Variants in EVC observed in about 807,000 individuals in gnomAD.
EVC encodes evC complex member EVC.
Under a neutral mutation model 118.9 loss-of-function variants are expected in EVC, and 116 were observed. The observed-to-expected ratio is 0.98, with a 90% CI of 0.84 to 1.14. EVC has a LOEUF of 1.14. Among genes scored for constraint, EVC ranks in the 50% most tolerant of loss-of-function variants. The pLI, the probability that EVC is intolerant of heterozygous loss-of-function variation, is 0.00. For synonymous variants in EVC, 619 were observed against 534.7 expected (o/e 1.16, Z -2.18); for missense variants, 1,401 against 1,246.4 (o/e 1.12, Z -1.87).
chr4:5,728,680 A>G (rs1726261658), intron 2 of EVC, among the ~76,000 whole-genome samples: 1 of 152,218 alleles, frequency 6.6e-6, no homozygotes, highest in Non-Finnish European at 1.5e-5. Context: ...CAGAGGAGTT[A>G]GAAGATTTGC....
chr4:5,812,673 G>C lies in EVC; in HGVS notation c.*1636G>C, dbSNP rs1717109246. 1 of 165,758 alleles carries C rather than the reference G, an allele frequency of 6.0e-6. No individual in the cohort carries two copies. Among genetic ancestry groups the C allele is most frequent in the Non-Finnish European group, 1.3e-5 (1 of 77,642 alleles). 10.3% of individuals were successfully genotyped at this position (165,758 alleles called of 1,614,324 possible). A position where few individuals can be genotyped will look rare whatever the true frequency, so the allele number is the denominator to read the frequency against. Reference sequence around the variant, plus strand: ...AAATTGCTCCTTTGATGGAGGTTAGGGACTGTCACCCTCAGCACTGTGAAC... The same window carrying C: ...AAATTGCTCCTTTGATGGAGGTTAGCGACTGTCACCCTCAGCACTGTGAAC... On this transcript the variant is annotated 3_prime_UTR_variant, in exon 21 of 21. Transcript: ENST00000264956.
intron 16 of EVC, among the ~76,000 whole-genome samples, chr4:5,802,546 A>G (rs1384124542): frequency 6.6e-6 from 1 of 151,592 alleles, no homozygotes; most frequent in East Asian, 2.0e-4. Flanking sequence ...AAATAATTAT[A>G]CAACTCACCA....
At position 5,805,791 on chromosome 4, in the gene EVC, A is replaced by AG. The variant is rs576637435; in HGVS notation, c.2561+955dup. On this transcript the variant is annotated intron_variant, in intron 17 of 20. Coordinates refer to ENST00000264956, the MANE Select transcript of EVC (RefSeq NM_153717.3). ...GGAAAAGGAAGCCCAGTGTTGGGAAAGGGGGTGCATGAGCCCATCTGTGAC... is the reference window on the plus strand; with the variant it reads ...GGAAAAGGAAGCCCAGTGTTGGGAAAGGGGGGTGCATGAGCCCATCTGTGAC... Among the ~76,000 whole-genome samples, 24 of 152,112 alleles carry AG rather than the reference A, an allele frequency of 1.6e-4. No homozygotes were observed. The South Asian group carries it at 4.8e-3, about 30-fold the overall frequency.
chr4:5,794,229 AT>A (rs2043163179), intron 13 of EVC, among the ~76,000 whole-genome samples: 1 of 120,856 alleles, frequency 8.3e-6, no homozygotes, highest in East Asian at 2.2e-4. Flanking sequence ...TGAGAAAAAT[AT>A]ATATATATTT....
At chr4:5,758,046 T>C (rs1731442769) in intron 11 of EVC, 1 of 702,126 alleles carries the variant, frequency 1.4e-6, no homozygotes, top group Non-Finnish European at 2.6e-6. Context: ...TGGATTCGGG[T>C]GGGCCCTAAT....
chr4:5,772,072 AT>A (rs1263909370), intron 11 of EVC, among the ~76,000 whole-genome samples: 1 of 151,744 alleles, frequency 6.6e-6, no homozygotes, highest in Non-Finnish European at 1.5e-5. Flanking sequence ...AATTTTTTGT[AT>A]TTTTAGTAGA....
intron 12 of EVC, among the ~76,000 whole-genome samples, chr4:5,786,491 C>T (rs543754222): frequency 6.4e-4 from 98 of 152,308 alleles, no homozygotes; most frequent in African/African-American, 2.1e-3. Flanking sequence ...TTAATGACCT[C>T]ATCAGCTGAT....
chr4:5,752,172 C>G (rs1369164892), intron 8 of EVC, among the ~76,000 whole-genome samples: 1 of 152,056 alleles, frequency 6.6e-6, no homozygotes, highest in African/African-American at 2.4e-5. Context: ...AGGGAGATGC[C>G]AACGTCCGCC....
chr4:5,730,840 C>T lies in EVC; in HGVS notation c.385-585C>T, dbSNP rs978293441. On this transcript the variant is annotated intron_variant, in intron 3 of 20. Coordinates refer to ENST00000264956, the MANE Select transcript of EVC (RefSeq NM_153717.3). ...GCCACTTCACTGTGGCTCGGGCAGC[C>T]AGAGGTGGAGGCTGACATTTGCTGG... Among the ~76,000 whole-genome samples, 4 of 152,212 alleles carry T rather than the reference C, an allele frequency of 2.6e-5. No individual in the cohort carries two copies. In the East Asian group the frequency reaches 7.7e-4, roughly 29 times the overall value.
At chr4:5,810,159 C>T (rs1334103585) in intron 19 of EVC, among the ~76,000 whole-genome samples, 180 bp from the exon 20 acceptor site, 1 of 152,196 alleles carries the variant, frequency 6.6e-6, no homozygotes, top group Non-Finnish European at 1.5e-5. Flanking sequence ...GAGAGTACGT[C>T]ACCTTCCCAG....
At chr4:5,809,964 C>T (rs563239978) in intron 19 of EVC, among the ~76,000 whole-genome samples, 14 of 152,322 alleles carry the variant, frequency 9.2e-5, no homozygotes, top group Non-Finnish European at 1.8e-4. Flanking sequence ...GAGAGTGACT[C>T]AGAAGGTGGT....
chr4:5,731,572 G>A lies in EVC; in HGVS notation c.532G>A (p.Val178Ile), dbSNP rs144897690. 654 of 1,614,100 alleles carry A rather than the reference G, an allele frequency of 4.1e-4. 3 individuals carry two copies. In the African/African-American group the frequency reaches 7.5e-3, roughly 18 times the overall value. The change falls in exon 4 of 21, where the codon GTC becomes ATC. Residue 178 changes from valine (V) to isoleucine (I), a missense_variant. By Grantham distance (29) the Val-to-Ile change is conservative. Transcript: ENST00000264956. The surrounding 1 kb of genome is among the most constrained non-coding windows in gnomAD (Gnocchi z 5.6). The stretch of plus-strand genomic sequence containing the variant: ...GGACGACTGCAGCTCCTCATCCAGC[G>A]TCCACTCGGCCACCAGCGATGACAG... ...EKDDCSSSSS[V>I]HSATSDDRFL... is the part of the protein sequence containing the mutation.
the EVC span, among the ~76,000 whole-genome samples, chr4:5,827,642 A>C: frequency 6.6e-6 from 1 of 151,904 alleles, no homozygotes; most frequent in African/African-American, 2.4e-5. Context: ...ACTCCAACAC[A>C]CGCACACACA....
intron 13 of EVC, among the ~76,000 whole-genome samples, chr4:5,794,861 A>G (rs1342809670): frequency 1.3e-5 from 2 of 152,192 alleles, no homozygotes; most frequent in Admixed American, 6.5e-5. Flanking sequence ...TAGTGGACGC[A>G]GCACCCCATA....
rs561111670 is a variant in EVC at position 5,719,963 on chromosome 4, T to G, written c.300+590T>G. Among the ~76,000 whole-genome samples the G allele has an allele frequency of 6.6e-6, 1 of 152,348 alleles. No homozygotes were observed. The highest frequency in any genetic ancestry group is 1.9e-4 in the East Asian group (1 of 5,184). The stretch of plus-strand genomic sequence containing the variant: ...ATGAATGTTGGTGCATAAGTCTGTT[T>G]ATTTTCATTTCATTTTACTTCCTTT... On this transcript the variant is annotated intron_variant, in intron 2 of 20. Transcript: ENST00000264956. This position sits in a 1 kb window ranked among gnomAD's most constrained non-coding sequence, Gnocchi z 4.7.
intron 11 of EVC, among the ~76,000 whole-genome samples, chr4:5,783,225 T>C (rs1735898942): frequency 6.6e-6 from 1 of 151,412 alleles, no homozygotes; most frequent in Non-Finnish European, 1.5e-5. Context: ...TGAACGAAAG[T>C]GTGCATGTGT....
chr4:5,721,499 C>A (rs575162407), intron 2 of EVC, among the ~76,000 whole-genome samples: 7 of 152,056 alleles, frequency 4.6e-5, no homozygotes, highest in Non-Finnish European at 1.0e-4. Context: ...CCAGGGGCTG[C>A]AGCAGAGGAA....
chr4:5,748,338 A>G (rs201090942), intron 8 of EVC, 32 bp downstream of exon 8: 57 of 1,612,644 alleles, frequency 3.5e-5, no homozygotes, highest in Non-Finnish European at 4.7e-5. Context: ...GGGAACATAA[A>G]GATATTCAGA....
rs1377348889 is a variant in EVC, at chr4:5,711,455, C to G, written c.75C>G (p.Pro25=). The G allele has an allele frequency of 9.6e-7, 1 of 1,037,518 alleles. No homozygotes were observed. Among genetic ancestry groups the G allele is most frequent in the Non-Finnish European group, 1.2e-6 (1 of 867,020 alleles). The allele number at this position is 1,037,518 out of a possible 1,614,324, so 64.3% of individuals were successfully genotyped here. A position where few individuals can be genotyped will look rare whatever the true frequency, so the allele number is the denominator to read the frequency against. ...LLGRDALRPA[P]ALLAPAVLLG... ...GGCGGGACGCGCTGCGGCCGGCGCC[C>G]GCCCTGCTGGCCCCCGCCGTGCTGC... The change falls in exon 1 of 21, where the codon CCC becomes CCG. Residue 25 remains proline, a synonymous_variant. Coordinates refer to ENST00000264956, the MANE Select transcript of EVC (RefSeq NM_153717.3).
Sources: allele counts gnomAD v4.1 joint callset (sites outside exome capture counted in the v4.1 genomes callset), GRCh38; gene constraint gnomAD v4.1.1; non-coding constraint Gnocchi (gnomAD v3.1); transcripts MANE v1.5; gene names NCBI Gene and HGNC (gene_info 2026-07-23, HGNC 2026-07-21).